ADAMTSL3: variants seen among roughly 807,000 people sequenced by gnomAD.
ADAMTSL3 encodes the protein ADAMTS-like protein 3.
A neutral mutation model predicts 201.7 loss-of-function variants in ADAMTSL3; 128 were observed. The ratio of observed to expected loss-of-function variants is 0.63; its 90% CI spans 0.55 to 0.73. The LOEUF (loss-of-function observed/expected upper bound fraction) is 0.73, where lower values mean the gene tolerates loss of function less well. Among genes scored for constraint, ADAMTSL3 ranks in the 30% least tolerant of loss-of-function variants. ADAMTSL3 has a pLI of 0.00. For missense variants in ADAMTSL3, 1,990 were observed against 2,119.6 expected (o/e 0.94, Z 1.20); for synonymous variants, 738 against 748.4 (o/e 0.99, Z 0.23).
At chr15:83,868,275 G>A (rs2065016411) in intron 8 of ADAMTSL3, among the ~76,000 whole-genome samples, 2 of 152,054 alleles carry the variant, frequency 1.3e-5, no homozygotes, top group Admixed American at 6.6e-5. Flanking sequence ...AACAACATGG[G>A]GCTACAGTAA....
intron 2 of ADAMTSL3, among the ~76,000 whole-genome samples, chr15:83,669,391 G>T (rs1372186269): frequency 7.6e-6 from 1 of 131,118 alleles, no homozygotes; most frequent in Non-Finnish European, 1.5e-5. Context: ...TGATCTGCCC[G>T]CATCGGCCTC....
chr15:83,790,979 T>C (rs62025782), intron 4 of ADAMTSL3, among the ~76,000 whole-genome samples: 1 of 152,166 alleles, frequency 6.6e-6, no homozygotes. Flanking sequence ...AATACTGCAA[T>C]GTGCTAATGA....
chr15:84,027,051 A>G (rs2141926365), intron 27 of ADAMTSL3, among the ~76,000 whole-genome samples: 1 of 152,356 alleles, frequency 6.6e-6, no homozygotes, highest in Admixed American at 6.5e-5. Flanking sequence ...TAAAATATGT[A>G]AAGAATACTT....
At chr15:83,985,116 C>T (rs1436468436) in intron 21 of ADAMTSL3, among the ~76,000 whole-genome samples, 3 of 151,968 alleles carry the variant, frequency 2.0e-5, no homozygotes, top group Non-Finnish European at 4.4e-5. Flanking sequence ...TAACACCATA[C>T]ATTGGTCATT....
intron 3 of ADAMTSL3, among the ~76,000 whole-genome samples, chr15:83,770,457 C>T (rs990659392): frequency 2.6e-5 from 4 of 152,170 alleles, no homozygotes; most frequent in East Asian, 1.9e-4. Flanking sequence ...AGCCTACATA[C>T]GCGTTCTTTT....
chr15:84,020,235 G>A (rs1416014908), intron 25 of ADAMTSL3, among the ~76,000 whole-genome samples: 1 of 142,920 alleles, frequency 7.0e-6, no homozygotes, highest in Non-Finnish European at 1.5e-5. Flanking sequence ...TTTGTGAAAT[G>A]TGGCATAATA....
intron 4 of ADAMTSL3, among the ~76,000 whole-genome samples, chr15:83,776,689 C>T (rs1302711504): frequency 6.6e-6 from 1 of 151,972 alleles, no homozygotes; most frequent in African/African-American, 2.4e-5. Context: ...TGCACTCCAG[C>T]CTGGGCAATA....
chr15:83,671,810 G>T (rs1318206103), intron 2 of ADAMTSL3, among the ~76,000 whole-genome samples: 2 of 152,088 alleles, frequency 1.3e-5, no homozygotes, highest in Non-Finnish European at 2.9e-5. Context: ...TAGGAGCTCT[G>T]CCAACAAATG....
At chr15:83,808,796 G>T (rs554140106) in intron 5 of ADAMTSL3, among the ~76,000 whole-genome samples, 1 of 151,376 alleles carries the variant, frequency 6.6e-6, no homozygotes, top group African/African-American at 2.4e-5. Flanking sequence ...CTATGCAGCC[G>T]TAAAAAGAAG....
intron 2 of ADAMTSL3, among the ~76,000 whole-genome samples, chr15:83,699,227 C>G (rs1272243223): frequency 6.6e-6 from 1 of 152,140 alleles, no homozygotes; most frequent in African/African-American, 2.4e-5. Context: ...AACTCAAGCT[C>G]TTCACATGGA....
At chr15:83,716,425 A>C (rs1331130167) in intron 3 of ADAMTSL3, among the ~76,000 whole-genome samples, 1 of 151,728 alleles carries the variant, frequency 6.6e-6, no homozygotes, top group Non-Finnish European at 1.5e-5. Flanking sequence ...GTTGAGGTAG[A>C]ATTGCTTGAA....
At chr15:83,723,712 T>C (rs1369928682) in intron 3 of ADAMTSL3, among the ~76,000 whole-genome samples, 1 of 152,180 alleles carries the variant, frequency 6.6e-6, no homozygotes. Context: ...TAATTTTATT[T>C]ATATGTGAAC....
At chr15:83,965,808 A>C (rs545230595) in intron 19 of ADAMTSL3, among the ~76,000 whole-genome samples, 1 of 152,300 alleles carries the variant, frequency 6.6e-6, no homozygotes, top group Non-Finnish European at 1.5e-5. Context: ...GCAAATACAA[A>C]AGAGTGGAAA....
chr15:84,022,953 T>C (rs2068233001), intron 26 of ADAMTSL3, among the ~76,000 whole-genome samples: 1 of 152,192 alleles, frequency 6.6e-6, no homozygotes, highest in South Asian at 2.1e-4. Flanking sequence ...CCTCAATACA[T>C]GCTCAGGGAA....
At chr15:83,804,423 C>A (rs2063570576) in intron 4 of ADAMTSL3, among the ~76,000 whole-genome samples, 1 of 152,140 alleles carries the variant, frequency 6.6e-6, no homozygotes, top group Non-Finnish European at 1.5e-5. Context: ...CTACTATTAA[C>A]TAAAGAATTC....
At chr15:83,695,694 A>AT (rs570173689) in intron 2 of ADAMTSL3, among the ~76,000 whole-genome samples, 32 of 152,016 alleles carry the variant, frequency 2.1e-4, no homozygotes, top group Admixed American at 1.3e-4. Flanking sequence ...CCTGGAAATA[A>AT]TTTTTTTTAT....
At chr15:83,674,264 A>C (rs1291330204) in intron 2 of ADAMTSL3, among the ~76,000 whole-genome samples, 2 of 151,942 alleles carry the variant, frequency 1.3e-5, no homozygotes, top group African/African-American at 4.8e-5. Flanking sequence ...TAATTTGTTC[A>C]TACAGTGTGA....
At chr15:83,658,220 G>A (rs755175888) in intron 2 of ADAMTSL3, among the ~76,000 whole-genome samples, 2 of 151,966 alleles carry the variant, frequency 1.3e-5, no homozygotes, top group Non-Finnish European at 2.9e-5. Context: ...AGCAATTCTC[G>A]TGTCTCAGCC....
chr15:83,970,405 C>G (rs548679004), intron 19 of ADAMTSL3, 79 bp from the exon 20 acceptor site: 2 of 1,552,362 alleles, frequency 1.3e-6, no homozygotes, highest in African/African-American at 2.7e-5. Context: ...TCTTGTTTCA[C>G]CCTTGGAGAC....
Sources: allele counts gnomAD v4.1 joint callset (sites outside exome capture counted in the v4.1 genomes callset), GRCh38; gene constraint gnomAD v4.1.1; transcripts MANE v1.5; gene names NCBI Gene and HGNC (gene_info 2026-07-23, HGNC 2026-07-21).